The following CDC16 variants were observed in gnomAD, a reference collection of about 807,000 sequenced individuals.
CDC16 encodes the protein cell division cycle 16, also known as cell division cycle protein 16 homolog.
A neutral mutation model predicts 87.0 loss-of-function variants in CDC16; 34 were observed. The observed-to-expected ratio is 0.39, with a 90% CI of 0.30 to 0.52. The LOEUF (loss-of-function observed/expected upper bound fraction) is 0.52. CDC16 is among the 20% of genes least tolerant of loss of function. The pLI is 0.74. For missense variants in CDC16, 653 were observed against 751.9 expected, an observed-to-expected ratio of 0.87 and a Z score of 1.54; for synonymous variants, 263 against 260.6, an observed-to-expected ratio of 1.01 and a Z score of -0.09.
chr13:114,238,728 G>A (rs79663105), intron 3 of CDC16, among the ~76,000 whole-genome samples: 4,751 of 152,246 alleles, frequency 0.031, 110 homozygotes, highest in Non-Finnish European at 0.052. Flanking sequence ...GCCCCGTTTC[G>A]TCATGCTTAC....
Position 114,234,899 on chromosome 13 carries a change from T to C in CDC16, c.-186T>C. 1 of 379,182 alleles carries C rather than the reference T, an allele frequency of 2.6e-6. No homozygotes were observed. Among genetic ancestry groups the C allele is most frequent in the Non-Finnish European group, 4.6e-6 (1 of 219,108 alleles). The allele number at this position is 379,182 out of a possible 1,614,324, so 23.5% of individuals were successfully genotyped here. ...GCCTGGAGCGGAAGAGCCTGGGCAG[T>C]GCACGGGGCCTGGGTGGGGGGTGCG... On this transcript the variant is annotated 5_prime_UTR_variant, in exon 1 of 18. Transcript: ENST00000356221.
chr13:114,236,465 C>T (rs185514407), intron 1 of CDC16, among the ~76,000 whole-genome samples, 180 bp from the exon 2 acceptor site: 1 of 152,134 alleles, frequency 6.6e-6, no homozygotes, highest in East Asian at 1.9e-4. Flanking sequence ...CGACACTGAA[C>T]TAAAATTTAC....
rs2083700343 is a variant in CDC16, at chr13:114,271,872, G to GA, written c.1604-309dup. On this transcript the variant is annotated intron_variant, in intron 17 of 17. Transcript: ENST00000356221. Reference sequence around the variant, plus strand: ...GAGGCCTTGGAAATGGGCAACTGTTGAAACACTGGAGCTGCAACTGCATGT... The same window carrying GA: ...GAGGCCTTGGAAATGGGCAACTGTTGAAAACACTGGAGCTGCAACTGCATGT... 1.3e-5 allele frequency among the ~76,000 whole-genome samples: 2 copies of GA among 152,158 alleles called. 1 individual carries two copies. Among genetic ancestry groups the GA allele is most frequent in the South Asian group, 4.1e-4 (2 of 4,830 alleles).
At chr13:114,245,895 T>G (rs2081840795) in intron 9 of CDC16, 105 bp from the exon 10 acceptor site, 1 of 668,266 alleles carries the variant, frequency 1.5e-6, no homozygotes, top group Non-Finnish European at 2.6e-6. Context: ...ATGAAATCAT[T>G]GCTGTAAGAG....
chr13:114,249,626 G>A (rs1196768709), intron 11 of CDC16, among the ~76,000 whole-genome samples: 1 of 152,198 alleles, frequency 6.6e-6, no homozygotes, highest in African/African-American at 2.4e-5. Flanking sequence ...ATTATTCACT[G>A]ATATATATGA....
rs2139158490 is a variant in CDC16, at chr13:114,265,297, T to G, written c.1603+57T>G. 9 of 1,072,382 alleles carry G rather than the reference T, an allele frequency of 8.4e-6. No homozygotes were observed. The South Asian group carries it at 1.1e-4, about 13-fold the overall frequency. 66.4% of individuals were successfully genotyped at this position (1,072,382 alleles called of 1,614,324 possible). ...ACTCCATTTTTTAGGTTGTCATATG[T>G]CTCTGTTTATGTTTCTCATATTCTC... On this transcript the variant is annotated intron_variant, in intron 17 of 17. Coordinates refer to ENST00000356221, the MANE Select transcript of CDC16 (RefSeq NM_001078645.3).
intron 13 of CDC16, among the ~76,000 whole-genome samples, chr13:114,259,023 C>T (rs901616948): frequency 1.3e-5 from 2 of 150,614 alleles, no homozygotes; most frequent in East Asian, 2.0e-4. Flanking sequence ...CACTTAAACC[C>T]GGGAGGCAGA....
Position 114,239,383 on chromosome 13 carries a change from G to A in CDC16, c.274G>A (p.Val92Ile), listed in dbSNP as rs1211033637. Residue 92 changes from valine (V) to isoleucine (I), a missense_variant, in exon 5 of 18, where the codon GTT (valine) becomes ATT (isoleucine). Physicochemically the swap from Val to Ile is conservative, Grantham distance 29. Coordinates refer to ENST00000356221, the MANE Select transcript of CDC16 (RefSeq NM_001078645.3). The stretch of plus-strand genomic sequence containing the variant: ...AAAAGAGCACCAGCAGGCCCTTGAT[G>A]TTCTTGACATGGAAGAGCCCATCAA... ...AAKEHQQALD[V>I]LDMEEPINKR... is the part of the protein sequence containing the mutation. 2 of 1,611,220 alleles carry A rather than the reference G, an allele frequency of 1.2e-6. No homozygotes were observed. Among genetic ancestry groups the A allele is most frequent in the African/African-American group, 1.3e-5 (1 of 74,842 alleles).
intron 17 of CDC16, 45 bp downstream of exon 17, chr13:114,265,285 G>T: frequency 8.2e-7 from 1 of 1,212,780 alleles, no homozygotes; most frequent in South Asian, 1.2e-5. Context: ...CCATTTTTTA[G>T]GTTGTCATAT....
At chr13:114,266,959 G>T (rs1187947101) in intron 17 of CDC16, among the ~76,000 whole-genome samples, 1 of 152,062 alleles carries the variant, frequency 6.6e-6, no homozygotes, top group African/African-American at 2.4e-5. Flanking sequence ...GCCTCCCAAA[G>T]TGCTGGGATT....
At chr13:114,249,902 A>G (rs75787277) in intron 11 of CDC16, among the ~76,000 whole-genome samples, 5,118 of 152,320 alleles carry the variant, frequency 0.034, 124 homozygotes, top group Non-Finnish European at 0.049. Context: ...TTGCTATACT[A>G]TTAAACAGTT....
At chr13:114,260,533 T>C (rs2082778968) in intron 14 of CDC16, among the ~76,000 whole-genome samples, 1 of 152,220 alleles carries the variant, frequency 6.6e-6, no homozygotes, top group Non-Finnish European at 1.5e-5. Flanking sequence ...CAGGGGATTA[T>C]CACGCACAGA....
At chr13:114,239,207 G>A in intron 4 of CDC16, 143 bp from the exon 5 acceptor site, 1 of 1,408,396 alleles carries the variant, frequency 7.1e-7, no homozygotes, top group Admixed American at 2.3e-5. Flanking sequence ...TTTACCACAT[G>A]CTGACATGCA....
chr13:114,243,371 CA>C (rs763049357), intron 7 of CDC16, 23 bp downstream of exon 7: 4 of 1,113,300 alleles, frequency 3.6e-6, no homozygotes, highest in Middle Eastern at 4.0e-4. Flanking sequence ...AAAGAGTTAG[CA>C]CTTGCTTTAT....
intron 6 of CDC16, among the ~76,000 whole-genome samples, chr13:114,243,027 C>T (rs1160779050): frequency 6.6e-6 from 1 of 152,148 alleles, no homozygotes; most frequent in Non-Finnish European, 1.5e-5. Flanking sequence ...GTGACAAGAG[C>T]CACCTGGGGA....
chr13:114,240,862 C>T (rs1328780130), intron 5 of CDC16, among the ~76,000 whole-genome samples: 2 of 151,856 alleles, frequency 1.3e-5, no homozygotes, highest in East Asian at 3.9e-4. Flanking sequence ...ATTTTGGGAC[C>T]TCTTATCCAT....
intron 14 of CDC16, among the ~76,000 whole-genome samples, chr13:114,261,167 T>G (rs2139115335): frequency 6.6e-6 from 1 of 152,234 alleles, no homozygotes; most frequent in Admixed American, 6.5e-5. Flanking sequence ...AGCTAATTCA[T>G]TATGGCTTGG....
intron 6 of CDC16, 97 bp from the exon 7 acceptor site, chr13:114,243,156 TTTAC>T: frequency 1.5e-6 from 1 of 657,712 alleles, no homozygotes; most frequent in Non-Finnish European, 2.8e-6. Flanking sequence ...TTGAGTTTGA[TTTAC>T]TTAGACCAAG....
intron 5 of CDC16, among the ~76,000 whole-genome samples, chr13:114,240,670 T>G (rs1279956658): frequency 6.6e-6 from 1 of 152,230 alleles, no homozygotes; most frequent in East Asian, 1.9e-4. Context: ...TTTATTTATA[T>G]TTTTGGTAGA....
Sources: allele counts gnomAD v4.1 joint callset (sites outside exome capture counted in the v4.1 genomes callset), GRCh38; gene constraint gnomAD v4.1.1; transcripts MANE v1.5; gene names NCBI Gene and HGNC (gene_info 2026-07-23, HGNC 2026-07-21).